The following MIR2052HG variants were observed in gnomAD, a reference collection of about 807,000 sequenced individuals.
The protein encoded by MIR2052HG is MIR2052 host gene.
At chr8:74,691,925 G>A (rs1262748217) in intron 2 of MIR2052HG, among the ~76,000 whole-genome samples, 1 of 151,992 alleles carries the variant, frequency 6.6e-6, no homozygotes, top group African/African-American at 2.4e-5. Context: ...CCCAATTTAT[G>A]CCATCAGTAG....
At chr8:74,603,674 C>T in intron 1 of MIR2052HG, 1 of 1,048,334 alleles carries the variant, frequency 9.5e-7, no homozygotes, top group Non-Finnish European at 1.5e-6. Context: ...GCCTGACCGC[C>T]TGCAAAGATG....
At chr8:74,640,911 TTTAAGGTCA>T (rs1205808629) in intron 2 of MIR2052HG, among the ~76,000 whole-genome samples, 1 of 152,184 alleles carries the variant, frequency 6.6e-6, no homozygotes, top group African/African-American at 2.4e-5. Flanking sequence ...GCCCTGCTTG[TTTAAGGTCA>T]TTAAAATCCT....
intron 2 of MIR2052HG, among the ~76,000 whole-genome samples, chr8:74,640,443 C>G (rs972649052): frequency 7.0e-6 from 1 of 143,308 alleles, no homozygotes; most frequent in African/African-American, 2.7e-5. Context: ...TGCACTCCAG[C>G]CTGGACAGGG....
chr8:74,700,901 T>C (rs1809350956), intron 2 of MIR2052HG, among the ~76,000 whole-genome samples: 1 of 152,144 alleles, frequency 6.6e-6, no homozygotes, highest in African/African-American at 2.4e-5. Flanking sequence ...CTATGCTAAG[T>C]ACAGATATAA....
chr8:74,701,635 A>G (rs552479855), intron 2 of MIR2052HG, among the ~76,000 whole-genome samples: 2 of 152,176 alleles, frequency 1.3e-5, no homozygotes, highest in East Asian at 3.9e-4. Context: ...TTTCTGAGCC[A>G]TTCTTTTCAT....
chr8:74,693,803 A>G (rs1462068639), intron 2 of MIR2052HG, among the ~76,000 whole-genome samples: 1 of 152,066 alleles, frequency 6.6e-6, no homozygotes, highest in Non-Finnish European at 1.5e-5. Flanking sequence ...CAGCAGCCAC[A>G]GCAAGCCCCA....
At chr8:74,602,817 G>GTTTCTTTCTTTCTTTCTTTCCTTCTTTC (rs1554570016) in intron 1 of MIR2052HG, among the ~76,000 whole-genome samples, 938 of 73,878 alleles carry the variant, frequency 0.013, 61 homozygotes, top group Middle Eastern at 0.036. Flanking sequence ...GCCCGGCCGT[G>GTTTCTTTCTTTCTTTCTTTCCTTCTTTC]TTTCTTTCTT....
At chr8:74,754,229 T>A (rs1044254762) in intron 5 of MIR2052HG, among the ~76,000 whole-genome samples, 8 of 152,226 alleles carry the variant, frequency 5.3e-5, no homozygotes, top group Non-Finnish European at 1.0e-4. Flanking sequence ...GATAAGTATA[T>A]GTTAAATAAA....
At chr8:74,670,965 T>C (rs1219238983) in intron 2 of MIR2052HG, among the ~76,000 whole-genome samples, 1 of 152,120 alleles carries the variant, frequency 6.6e-6, no homozygotes. Context: ...CACTATTTCA[T>C]TCATTTACTC....
chr8:74,651,579 A>G (rs1036213734), intron 2 of MIR2052HG, among the ~76,000 whole-genome samples: 1 of 152,212 alleles, frequency 6.6e-6, no homozygotes, highest in Non-Finnish European at 1.5e-5. Flanking sequence ...AACAAAAAAC[A>G]AAAATTTAGT....
intron 2 of MIR2052HG, among the ~76,000 whole-genome samples, chr8:74,680,753 C>CACAT (rs1809114125): frequency 6.6e-6 from 1 of 152,066 alleles, no homozygotes; most frequent in African/African-American, 2.4e-5. Flanking sequence ...GTTATACAGA[C>CACAT]ACATGCACAC....
At chr8:74,610,288 T>A (rs1366620306) in intron 1 of MIR2052HG, among the ~76,000 whole-genome samples, 1 of 151,972 alleles carries the variant, frequency 6.6e-6, no homozygotes, top group Non-Finnish European at 1.5e-5. Context: ...ATAGTGTTCT[T>A]ACTTATGAAA....
intron 4 of MIR2052HG, among the ~76,000 whole-genome samples, chr8:74,726,625 G>A (rs1365494057): frequency 6.6e-6 from 1 of 152,220 alleles, no homozygotes; most frequent in Non-Finnish European, 1.5e-5. Flanking sequence ...GAACAGGGTT[G>A]ATTCTCAAAA....
At chr8:74,654,170 T>A (rs1022030691) in intron 2 of MIR2052HG, among the ~76,000 whole-genome samples, 1 of 152,068 alleles carries the variant, frequency 6.6e-6, no homozygotes, top group African/African-American at 2.4e-5. Flanking sequence ...TTCTTCATTT[T>A]CAGTTAGAGG....
chr8:74,704,366 A>C (rs1809387595), intron 4 of MIR2052HG, among the ~76,000 whole-genome samples: 1 of 152,036 alleles, frequency 6.6e-6, no homozygotes, highest in African/African-American at 2.4e-5. Context: ...TGCCTCACTA[A>C]CATCCATGTG....
intron 2 of MIR2052HG, among the ~76,000 whole-genome samples, chr8:74,654,327 A>T (rs1290060374): frequency 6.6e-6 from 1 of 152,130 alleles, no homozygotes; most frequent in Non-Finnish European, 1.5e-5. Context: ...GGAAGGAGGC[A>T]GGGTGTACTG....
chr8:74,630,267 T>A (rs923376445), intron 2 of MIR2052HG, among the ~76,000 whole-genome samples: 2 of 152,152 alleles, frequency 1.3e-5, no homozygotes, highest in African/African-American at 4.8e-5. Context: ...AAATCTGACA[T>A]ATTTAATCAA....
At chr8:74,728,989 A>T (rs1222080994) in intron 4 of MIR2052HG, among the ~76,000 whole-genome samples, 2 of 152,180 alleles carry the variant, frequency 1.3e-5, no homozygotes, top group Non-Finnish European at 2.9e-5. Flanking sequence ...TTAGGAGCAG[A>T]TGTAATTCTA....
chr8:74,607,930 G>A (rs568620173), intron 1 of MIR2052HG, among the ~76,000 whole-genome samples: 3 of 152,298 alleles, frequency 2.0e-5, no homozygotes, highest in East Asian at 1.9e-4. Context: ...AAGCAAGCAG[G>A]TGTGGGAGGT....
Sources: allele counts gnomAD v4.1 joint callset (sites outside exome capture counted in the v4.1 genomes callset), GRCh38; gene constraint gnomAD v4.1.1; transcripts MANE v1.5; gene names NCBI Gene and HGNC (gene_info 2026-07-23, HGNC 2026-07-21).